Variants in MYO6 observed in about 807,000 individuals in gnomAD.
MYO6 encodes myosin VI.
In MYO6, 74 loss-of-function variants were observed where a neutral mutation model predicts 178.7. The observed-to-expected ratio is 0.41, with a 90% CI of 0.34 to 0.50. The LOEUF (loss-of-function observed/expected upper bound fraction) is 0.50. Ranked by LOEUF, MYO6 falls within the 20% of genes least tolerant of loss-of-function variation. The pLI is 0.09. For missense variants in MYO6, 1,330 were observed against 1,547.4 expected (o/e 0.86, Z 2.36); for synonymous variants, 477 against 504.6 (o/e 0.95, Z 0.73).
At chr6:75,879,239 C>T (rs1198647784) in intron 20 of MYO6, among the ~76,000 whole-genome samples, 1 of 151,390 alleles carries the variant, frequency 6.6e-6, no homozygotes, top group Non-Finnish European at 1.5e-5. Flanking sequence ...CTTGATCTTT[C>T]CTTAGTTTTG....
intron 11 of MYO6, 26 bp from the exon 12 acceptor site, chr6:75,855,113 T>C: frequency 6.5e-7 from 1 of 1,549,584 alleles, no homozygotes; most frequent in Non-Finnish European, 8.8e-7. Context: ...TACTTATTAA[T>C]TTCAATGAAA....
intron 1 of MYO6, among the ~76,000 whole-genome samples, chr6:75,792,680 A>G (rs138389210): frequency 1.3e-5 from 2 of 152,278 alleles, no homozygotes; most frequent in East Asian, 3.9e-4. Flanking sequence ...AGCAGTAATA[A>G]TAGTTCTGAT....
In MYO6 at chr6:75,892,701, C is replaced by G; in HGVS notation, c.3107+11C>G. 1 of 1,611,990 alleles carries G rather than the reference C, an allele frequency of 6.2e-7. No individual in the cohort carries two copies. The highest frequency in any genetic ancestry group is 2.2e-5 in the East Asian group (1 of 44,862). On this transcript the variant is annotated intron_variant, in intron 28 of 34. Coordinates refer to ENST00000369977, the MANE Select transcript of MYO6 (RefSeq NM_004999.4). ...CCTGGCGCTGCGGAGGTACTGGGGCCCCTGGGTGGGGTATAGCGCTCTCTC... is the reference window on the plus strand; with the variant it reads ...CCTGGCGCTGCGGAGGTACTGGGGCGCCTGGGTGGGGTATAGCGCTCTCTC...
chr6:75,784,776 C>CAA (rs754218278), intron 1 of MYO6, among the ~76,000 whole-genome samples: 8,698 of 53,750 alleles, frequency 0.16, 1,930 homozygotes, highest in African/African-American at 0.29. Context: ...GACTCCGTCT[C>CAA]AAAAAAAAAA....
At chr6:75,867,686 A>G (rs1426684279) in intron 18 of MYO6, among the ~76,000 whole-genome samples, 2 of 152,240 alleles carry the variant, frequency 1.3e-5, no homozygotes, top group African/African-American at 4.8e-5. Flanking sequence ...AAAGCTTTTA[A>G]TAACTTCTGT....
intron 1 of MYO6, among the ~76,000 whole-genome samples, chr6:75,779,452 A>G (rs1766740036): frequency 6.6e-6 from 1 of 152,098 alleles, no homozygotes; most frequent in Admixed American, 6.5e-5. Context: ...TAGTGAGCCA[A>G]GATTGTGCCA....
chr6:75,830,441 C>T lies in MYO6; in HGVS notation c.287C>T (p.Ala96Val), dbSNP rs749522327. 5 of 1,611,622 alleles carry T rather than the reference C, an allele frequency of 3.1e-6. No individual in the cohort carries two copies. Among genetic ancestry groups the T allele is most frequent in the Admixed American group, 1.7e-5 (1 of 59,994 alleles). ...IYTYVANILI[A>V]VNPYFDIPKI... ...ACATATGTCGCCAACATTCTGATTG[C>T]AGTGAATCCATACTTTGACATACCT... The change falls in exon 5 of 35, where the codon GCA (alanine) becomes GTA (valine). Residue 96 changes from alanine (A) to valine (V), a missense_variant. Ala to Val is a moderately conservative substitution (Grantham distance 64, BLOSUM62 0). Around this residue, in one of 3 missense-constraint regions of MYO6, gnomAD observed 613 missense variants for 816.8 expected, o/e 0.75. Transcript: ENST00000369977.
Position 75,832,933 on chromosome 6 carries a change from A to G in MYO6, c.483A>G (p.Thr161=), listed in dbSNP as rs773676437. ...CAGGAGCCGGCAAAACAGAAAATAC[A>G]AAATTTGTTCTAAGGTGAGTATTCA... ...GESGAGKTEN[T]KFVLRYLTES... is the part of the protein sequence containing the mutation. The change falls in exon 6 of 35, where the codon ACA becomes ACG. Residue 161 remains threonine, a synonymous_variant. Transcript: ENST00000369977. 1 of 1,612,248 alleles carries G rather than the reference A, an allele frequency of 6.2e-7. No individual in the cohort carries two copies. Among genetic ancestry groups the G allele is most frequent in the African/African-American group, 1.3e-5 (1 of 74,882 alleles).
At chr6:75,793,306 A>G (rs1768429347) in intron 1 of MYO6, among the ~76,000 whole-genome samples, 2 of 152,196 alleles carry the variant, frequency 1.3e-5, no homozygotes, top group South Asian at 2.1e-4. Flanking sequence ...ATTGAGGCTT[A>G]AAAAATGATT....
At chr6:75,809,789 G>A (rs140938047) in intron 1 of MYO6, among the ~76,000 whole-genome samples, 8 of 151,644 alleles carry the variant, frequency 5.3e-5, no homozygotes, top group East Asian at 1.9e-4. Context: ...TCAGCCCGGC[G>A]TGCTGGCTGA....
In MYO6 at chr6:75,914,933, A is replaced by G; in HGVS notation, c.3779A>G (p.Gln1260Arg). The G allele has an allele frequency of 2.5e-6, 4 of 1,614,162 alleles. No individual in the cohort carries two copies. The highest frequency in any genetic ancestry group is 3.4e-6 in the Non-Finnish European group (4 of 1,180,020). Residue 1260 changes from glutamine (Q) to arginine (R), a missense_variant, in exon 35 of 35, where the codon CAG becomes CGG. Physicochemically the swap from Gln to Arg is conservative, Grantham distance 43. Transcript: ENST00000369977. ...EEIWERCGGI[Q>R]YLQNAIESRQ... is the part of the protein sequence containing the mutation. The stretch of plus-strand genomic sequence containing the variant: ...ATCTGGGAACGCTGTGGAGGCATCC[A>G]GTACCTTCAGAATGCGATTGAGAGC...
chr6:75,867,799 A>G (rs574638624), intron 18 of MYO6, among the ~76,000 whole-genome samples: 1 of 152,298 alleles, frequency 6.6e-6, no homozygotes, highest in African/African-American at 2.4e-5. Context: ...TTTATTCTTC[A>G]AGGTCTGACA....
chr6:75,889,593 A>G (rs1230697660), intron 25 of MYO6, among the ~76,000 whole-genome samples: 2 of 152,130 alleles, frequency 1.3e-5, no homozygotes, highest in Non-Finnish European at 1.5e-5. Flanking sequence ...TTTTATTTTT[A>G]TAAGAGACAG....
intron 32 of MYO6, among the ~76,000 whole-genome samples, chr6:75,909,658 G>T (rs1410559380): frequency 6.6e-6 from 1 of 152,162 alleles, no homozygotes; most frequent in African/African-American, 2.4e-5. Context: ...AATCTTTAAA[G>T]CAATAATTGG....
At position 75,817,500 on chromosome 6, in the gene MYO6, G is replaced by T. The variant is rs1237632624; in HGVS notation, c.-47-1G>T. On this transcript the variant is annotated splice_acceptor_variant, in intron 1 of 34. Coordinates refer to ENST00000369977, the MANE Select transcript of MYO6 (RefSeq NM_004999.4). LOFTEE classifies it low-confidence loss of function (5UTR_SPLICE). Reference sequence around the variant, plus strand: ...TTGCTGTATTTGTTCCTTTGAAACAGGTGACAGTGGATAGTGGAAACAGGA... The same window carrying T: ...TTGCTGTATTTGTTCCTTTGAAACATGTGACAGTGGATAGTGGAAACAGGA... 7.2e-7 allele frequency: 1 copy of T among 1,387,204 alleles called. No homozygotes were observed. The highest frequency in any genetic ancestry group is 1.0e-6 in the Non-Finnish European group (1 of 973,030). The allele number at this position is 1,387,204 out of a possible 1,614,324, so 85.9% of individuals were successfully genotyped here. A position where few individuals can be genotyped will look rare whatever the true frequency, so the allele number is the denominator to read the frequency against.
At position 75,770,991 on chromosome 6, in the gene MYO6, C is replaced by CT. The variant is rs1014392664; in HGVS notation, c.-48+21578dup. The stretch of plus-strand genomic sequence containing the variant: ...ATGTGTAAGCTATAAGATAACAGCA[C>CT]TTTTTTTTTTCTTTTTTTTTTTTTC... On this transcript the variant is annotated intron_variant, in intron 1 of 34. Coordinates refer to ENST00000369977, the MANE Select transcript of MYO6 (RefSeq NM_004999.4). 2.4e-3 allele frequency among the ~76,000 whole-genome samples: 345 copies of CT among 145,582 alleles called. 1 individual carries two copies. Among genetic ancestry groups the CT allele is most frequent in the African/African-American group, 8.0e-3 (319 of 39,752 alleles).
intron 18 of MYO6, 45 bp downstream of exon 18, chr6:75,867,150 A>G: frequency 7.0e-7 from 1 of 1,435,238 alleles, no homozygotes; most frequent in Non-Finnish European, 9.5e-7. Flanking sequence ...TTAAAATGAA[A>G]TTATTGTTTT....
intron 15 of MYO6, among the ~76,000 whole-genome samples, chr6:75,861,688 T>G (rs1460799544): frequency 6.6e-6 from 1 of 152,234 alleles, no homozygotes; most frequent in Non-Finnish European, 1.5e-5. Context: ...GGGCAAACCT[T>G]GTTTTTAAAA....
rs149284852 is a variant in MYO6, at chr6:75,800,286, A to G, written c.-47-17215A>G. On this transcript the variant is annotated intron_variant, in intron 1 of 34. Transcript: ENST00000369977. ...CAACATAATCACTCAGAAGCACCATACAGTGTGTTTCCCAACACAATTAAG... is the reference window on the plus strand; with the variant it reads ...CAACATAATCACTCAGAAGCACCATGCAGTGTGTTTCCCAACACAATTAAG... Among the ~76,000 whole-genome samples, 699 of 152,310 alleles carry G rather than the reference A, an allele frequency of 4.6e-3. 6 individuals carry two copies. The highest frequency in any genetic ancestry group is 8.0e-3 in the Non-Finnish European group (544 of 68,022).
Sources: gnomAD v4.1 joint callset for allele counts (sites outside exome capture counted in the v4.1 genomes callset) on GRCh38, gnomAD v4.1.1 for gene constraint, gnomAD v4.1.1 regional missense constraint, MANE v1.5 for transcripts, NCBI Gene and HGNC (gene_info 2026-07-23, HGNC 2026-07-21) for gene names.